Variants in SCN7A observed in about 807,000 individuals in gnomAD.
SCN7A encodes sodium voltage-gated channel alpha subunit 7, also known as sodium channel protein type 7 subunit alpha.
Under a neutral mutation model 155.2 loss-of-function variants are expected in SCN7A, and 138 were observed. The observed-to-expected ratio is 0.89, with a 90% confidence interval of 0.77 to 1.02. The LOEUF (loss-of-function observed/expected upper bound fraction) is 1.02. Among genes scored for constraint, SCN7A ranks in the 50% least tolerant of loss-of-function variants. The pLI, the probability that SCN7A is intolerant of heterozygous loss-of-function variation, is 0.00. For synonymous variants in SCN7A, 693 were observed against 649.0 expected, an observed-to-expected ratio of 1.07 and a Z score of -1.03; for missense variants, 2,058 against 1,986.6, an observed-to-expected ratio of 1.04 and a Z score of -0.68.
chr2:166,441,977 C>T (rs1417499215), intron 14 of SCN7A, among the ~76,000 whole-genome samples: 1 of 152,096 alleles, frequency 6.6e-6, no homozygotes, highest in Admixed American at 6.6e-5. Context: ...GATGTATTTG[C>T]CAATTCCCAT....
At chr2:166,439,521 CCT>C (rs1232159564) in intron 15 of SCN7A, among the ~76,000 whole-genome samples, 1 of 152,116 alleles carries the variant, frequency 6.6e-6, no homozygotes, top group African/African-American at 2.4e-5. Context: ...TCTACAAAGA[CCT>C]CTCTGTAATG....
rs79791768 is a variant in SCN7A, at chr2:166,412,116, A to C, written c.3606+414T>G. 5.1e-3 allele frequency among the ~76,000 whole-genome samples: 774 copies of C among 152,178 alleles called. 38 individuals are homozygous for C. In the East Asian group the frequency reaches 0.11, roughly 22 times the overall value. Reference sequence around the variant, plus strand: ...ATGACTCTCTCTACTTCTAGCAGAAAGAACTACTCTAACTTTGAAAGATGT... The same window carrying C: ...ATGACTCTCTCTACTTCTAGCAGAACGAACTACTCTAACTTTGAAAGATGT... On this transcript the variant is annotated intron_variant, in intron 23 of 25. Transcript: ENST00000643258.
At chr2:166,469,558 A>C (rs1702609280) in intron 7 of SCN7A, among the ~76,000 whole-genome samples, 1 of 151,736 alleles carries the variant, frequency 6.6e-6, no homozygotes, top group African/African-American at 2.4e-5. Flanking sequence ...TCTCCCTTGA[A>C]AAAAAGAGTG....
At chr2:166,417,514 AATGT>A (rs1471727790) in intron 20 of SCN7A, among the ~76,000 whole-genome samples, 2 of 151,982 alleles carry the variant, frequency 1.3e-5, no homozygotes, top group African/African-American at 4.8e-5. Flanking sequence ...ATATTCTTAA[AATGT>A]TTGTACTAAA....
intron 1 of SCN7A, among the ~76,000 whole-genome samples, chr2:166,487,265 G>A (rs1378324587): frequency 1.3e-5 from 2 of 152,152 alleles, no homozygotes; most frequent in African/African-American, 2.4e-5. Flanking sequence ...ATCAGTGAGC[G>A]AATGCTGTCT....
rs115202085 is a variant in SCN7A at position 166,484,217 on chromosome 2, C to A, written c.-15+2639G>T. Among the ~76,000 whole-genome samples, 945 of 151,898 alleles carry A rather than the reference C, an allele frequency of 6.2e-3. 8 individuals carry two copies. Among genetic ancestry groups the A allele is most frequent in the African/African-American group, 0.021 (889 of 41,494 alleles). ...AGAATATGGACTATGGGGAAAGCATCAGCTTAGAAATTAGGGAAAGATGTC... is the reference window on the plus strand; with the variant it reads ...AGAATATGGACTATGGGGAAAGCATAAGCTTAGAAATTAGGGAAAGATGTC... On this transcript the variant is annotated intron_variant, in intron 2 of 25. Transcript: ENST00000643258.
intron 23 of SCN7A, among the ~76,000 whole-genome samples, chr2:166,411,662 C>T (rs2105365899): frequency 6.6e-6 from 1 of 152,072 alleles, no homozygotes; most frequent in Non-Finnish European, 1.5e-5. Flanking sequence ...GGCCACAGTG[C>T]ATGATAAGTC....
In SCN7A at chr2:166,414,307, TATATACAC is replaced by T. The variant is rs1307798730; in HGVS notation, c.3415-1194_3415-1187del. 9.3e-4 allele frequency among the ~76,000 whole-genome samples: 86 copies of T among 92,282 alleles called. 4 individuals are homozygous for T. In the East Asian group the frequency reaches 0.022, roughly 23 times the overall value. The allele number at this position is 92,282 out of a possible 152,430, so 60.5% of individuals were successfully genotyped here. On this transcript the variant is annotated intron_variant, in intron 21 of 25. Transcript: ENST00000643258. ...ATATACACACACATATATATATATATATATACACATATATATATATATATGAAGGAAGT... is the reference window on the plus strand; with the variant it reads ...ATATACACACACATATATATATATATATATATATATATATATGAAGGAAGT...
At chr2:166,464,782 A>G (rs1382481361) in intron 9 of SCN7A, among the ~76,000 whole-genome samples, 1 of 152,094 alleles carries the variant, frequency 6.6e-6, no homozygotes, top group South Asian at 2.1e-4. Flanking sequence ...CAAATGATAG[A>G]TTTATATTGT....
chr2:166,404,463 C>T lies in SCN7A; in HGVS notation c.*1117G>A, dbSNP rs116304726. ...ACTTGTACATACTGTTATAAAACAA[C>T]AACAAATTTAAACTTTTATCTCCTA... On this transcript the variant is annotated 3_prime_UTR_variant, in exon 26 of 26. Coordinates refer to ENST00000643258, the MANE Select transcript of SCN7A (RefSeq NM_002976.4). The T allele has an allele frequency of 1.9e-3, 283 of 151,850 alleles. 2 individuals are homozygous for T. The highest frequency in any genetic ancestry group is 6.6e-3 in the African/African-American group (272 of 41,490). The allele number at this position is 151,850 out of a possible 1,614,324, so 9.4% of individuals were successfully genotyped here.
Position 166,465,858 on chromosome 2 carries a change from T to C in SCN7A, c.794A>G (p.His265Arg), listed in dbSNP as rs1294817029. ...GMGLFMGNLK[H>R]KCFRWPQENE... Reference sequence around the variant, plus strand: ...CTCTTGGGGCCATCGAAAACATTTATGTTTCAAGTTGCCCATGAAGAGCCC... The same window carrying C: ...CTCTTGGGGCCATCGAAAACATTTACGTTTCAAGTTGCCCATGAAGAGCCC... The change falls in exon 8 of 26, where the codon CAT becomes CGT. Residue 265 changes from histidine to arginine, a missense_variant. Transcript: ENST00000643258. The C allele has an allele frequency of 2.5e-6, 4 of 1,613,826 alleles. No individual in the cohort carries two copies. The highest frequency in any genetic ancestry group is 2.7e-5 in the African/African-American group (2 of 74,932).
In SCN7A at chr2:166,405,619, G is replaced by T; in HGVS notation, c.5010C>A (p.Asp1670Glu). The change falls in exon 26 of 26, where the codon GAC (aspartate) becomes GAA (glutamate). Residue 1670 changes from aspartate to glutamate, a missense_variant. Physicochemically the swap from Asp to Glu is conservative, Grantham distance 45. Coordinates refer to ENST00000643258, the MANE Select transcript of SCN7A (RefSeq NM_002976.4). ...GAATAGGTGACTTTTCCTTAGCTTT[G>T]TCAAAATAGGCACCTTCTTTAGTAG... is the stretch of plus-strand genomic sequence containing the variant. Reference protein sequence around the residue: ...VHATKEGAYFDKAKEKSPIQS... With the variant: ...VHATKEGAYFEKAKEKSPIQS... 6.2e-7 allele frequency: 1 copy of T among 1,604,094 alleles called. No homozygotes were observed.
At chr2:166,476,675 ATAT>A (rs936345440) in intron 3 of SCN7A, among the ~76,000 whole-genome samples, 3 of 151,994 alleles carry the variant, frequency 2.0e-5, no homozygotes, top group African/African-American at 7.2e-5. Flanking sequence ...TTTGATCACC[ATAT>A]TAAATCCATG....
intron 11 of SCN7A, among the ~76,000 whole-genome samples, chr2:166,448,152 C>T (rs1702106139): frequency 1.3e-5 from 2 of 152,208 alleles, no homozygotes; most frequent in East Asian, 1.9e-4. Context: ...CACCAATAAA[C>T]TATCTACTTT....
chr2:166,476,540 C>T (rs1026763070), intron 3 of SCN7A, among the ~76,000 whole-genome samples: 1 of 151,948 alleles, frequency 6.6e-6, no homozygotes, highest in Non-Finnish European at 1.5e-5. Context: ...TGTCTCCTTG[C>T]GACTTCAGTC....
rs1703046565 is a variant in SCN7A, at chr2:166,486,291, C to G, written c.-15+565G>C. On this transcript the variant is annotated intron_variant, in intron 2 of 25. Transcript: ENST00000643258. ...TAGATCCACAAATGATACCCTAAAT[C>G]AGTGAATAGACAGAAGAGTTCTGAA... Among the ~76,000 whole-genome samples, 3 of 152,160 alleles carry G rather than the reference C, an allele frequency of 2.0e-5. No individual in the cohort carries two copies. The South Asian group carries it at 6.2e-4, about 32-fold the overall frequency.
chr2:166,440,042 G>C (rs1211566086), intron 15 of SCN7A, among the ~76,000 whole-genome samples: 4 of 152,128 alleles, frequency 2.6e-5, no homozygotes, highest in African/African-American at 9.7e-5. Flanking sequence ...CTTTTCCATA[G>C]ATGCAGTGAA....
chr2:166,441,956 C>T (rs1182612565), intron 14 of SCN7A, among the ~76,000 whole-genome samples: 2 of 152,116 alleles, frequency 1.3e-5, no homozygotes, highest in African/African-American at 4.8e-5. Context: ...CTATACATAT[C>T]CTCTTCTACT....
chr2:166,491,933 C>T (rs923711790), intron 1 of SCN7A, among the ~76,000 whole-genome samples: 1 of 151,878 alleles, frequency 6.6e-6, no homozygotes, highest in African/African-American at 2.4e-5. Context: ...CTCTGAATAC[C>T]CCAGTTGTGA....
Sources: allele counts gnomAD v4.1 joint callset (sites outside exome capture counted in the v4.1 genomes callset), GRCh38; gene constraint gnomAD v4.1.1; transcripts MANE v1.5; gene names NCBI Gene and HGNC (gene_info 2026-07-23, HGNC 2026-07-21).